Variants in NBPF3 observed in about 807,000 individuals in gnomAD.
The protein encoded by NBPF3 is NBPF member 3, also known as NBPF family member NBPF3.
Under a neutral mutation model 78.1 loss-of-function variants are expected in NBPF3, and 57 were observed. The ratio of observed to expected loss-of-function variants is 0.73; its 90% CI spans 0.59 to 0.91. The LOEUF (loss-of-function observed/expected upper bound fraction) is 0.91, where lower values mean the gene tolerates loss of function less well. Ranked by LOEUF, NBPF3 falls within the 40% of genes least tolerant of loss-of-function variation. The pLI, the probability that NBPF3 is intolerant of heterozygous loss-of-function variation, is 0.00. For synonymous variants in NBPF3, 182 were observed against 271.7 expected, an observed-to-expected ratio of 0.67 and a Z score of 3.25; for missense variants, 510 against 715.3, an observed-to-expected ratio of 0.71 and a Z score of 3.27.
intron 1 of NBPF3, chr1:21,440,869 A>C (rs920964601): frequency 6.6e-6 from 1 of 151,900 alleles, no homozygotes. Flanking sequence ...TCACTGAATC[A>C]CCTCCTGACT....
chr1:21,452,888 A>G (rs1641389566), intron 2 of NBPF3, among the ~76,000 whole-genome samples: 1 of 152,234 alleles, frequency 6.6e-6, no homozygotes, highest in Non-Finnish European at 1.5e-5. Context: ...AAGGCATGAA[A>G]TAAACTGGCC....
rs1415794092 is a variant in NBPF3, at chr1:21,460,321, C to T, written c.134-8367C>T. ...CATGTGCCATGTTGGTTTGCTGCACCCATTAACTCGTCATTTACATTCGGT... is the reference window on the plus strand; with the variant it reads ...CATGTGCCATGTTGGTTTGCTGCACTCATTAACTCGTCATTTACATTCGGT... On this transcript the variant is annotated intron_variant, in intron 2 of 14. Transcript: ENST00000318249. The surrounding 1 kb of genome is among the most constrained non-coding windows in gnomAD (Gnocchi z 4.2). Among the ~76,000 whole-genome samples the T allele has an allele frequency of 6.6e-6, 1 of 152,090 alleles. No homozygotes were observed. The highest frequency in any genetic ancestry group is 1.5e-5 in the Non-Finnish European group (1 of 68,030).
At position 21,478,226 on chromosome 1, in the gene NBPF3, A is replaced by C; in HGVS notation, c.1075A>C (p.Met359Leu). The C allele has an allele frequency of 6.2e-7, 1 of 1,614,178 alleles. No homozygotes were observed. ...TTGGACTCTCTCAATTCCTCCTGACATGTCTGCCTCATACCAGTCTGACAG... is the reference window on the plus strand; with the variant it reads ...TTGGACTCTCTCAATTCCTCCTGACCTGTCTGCCTCATACCAGTCTGACAG... ...GDWTLSIPPD[M>L]SASYQSDRST... is the part of the protein sequence containing the mutation. The change falls in exon 9 of 15, where the codon ATG becomes CTG. Residue 359 changes from methionine to leucine, a missense_variant. Around this residue, in one of 5 missense-constraint regions of NBPF3, gnomAD observed 440 missense variants for 478.2 expected, o/e 0.92. Transcript: ENST00000318249.
intron 2 of NBPF3, among the ~76,000 whole-genome samples, chr1:21,453,210 T>A (rs1814737): frequency 0.16 from 24,509 of 152,104 alleles, 2,426 homozygotes; most frequent in Non-Finnish European, 0.22. Context: ...TGATGGAGCC[T>A]GGAAGTGAGA....
At chr1:21,470,072 G>A (rs1489716281) in intron 3 of NBPF3, among the ~76,000 whole-genome samples, 1 of 152,144 alleles carries the variant, frequency 6.6e-6, no homozygotes, top group Non-Finnish European at 1.5e-5. Context: ...ACAAACCTTA[G>A]TATTCGGGCA....
intron 2 of NBPF3, among the ~76,000 whole-genome samples, chr1:21,448,650 C>T (rs567316311): frequency 1.2e-4 from 19 of 152,240 alleles, no homozygotes; most frequent in African/African-American, 4.1e-4. Context: ...GTGTGAGATT[C>T]CCCCTTAGTC....
chr1:21,473,475 AC>A lies in NBPF3; in HGVS notation c.832del (p.Gln278SerfsTer96). The A allele has an allele frequency of 1.2e-6, 2 of 1,614,226 alleles. No homozygotes were observed. ...CSNSHHPCES[N>X]QPYGNTRITF... is the part of the protein sequence containing the mutation. ...AATAGCCACCACCCTTGTGAGTCCA[AC>A]CAGCCTTACGGGAACACCAGAATCA... On this transcript the variant is annotated frameshift_variant, in exon 7 of 15. Transcript: ENST00000318249. LOFTEE classifies it high-confidence loss of function.
chr1:21,437,238 A>C (rs1442378707), upstream of NBPF3, among the ~76,000 whole-genome samples: 1 of 150,658 alleles, frequency 6.6e-6, no homozygotes, highest in East Asian at 2.0e-4. Context: ...TGCAAGGGGG[A>C]GGAGCCTGGG....
intron 2 of NBPF3, among the ~76,000 whole-genome samples, chr1:21,455,411 GAC>G (rs1198790247): frequency 5.9e-5 from 9 of 152,182 alleles, no homozygotes; most frequent in Non-Finnish European, 1.2e-4. Flanking sequence ...ATATTATAAA[GAC>G]ACAGTAATTA....
At chr1:21,457,603 G>A (rs1400158225) in intron 2 of NBPF3, among the ~76,000 whole-genome samples, 3 of 152,040 alleles carry the variant, frequency 2.0e-5, no homozygotes, top group Admixed American at 6.5e-5. Context: ...CCAAGAGGAT[G>A]GCTAAAATTA....
At chr1:21,477,992 T>G in intron 8 of NBPF3, 152 bp from the exon 9 acceptor site, 2 of 1,541,566 alleles carry the variant, frequency 1.3e-6, no homozygotes, top group African/African-American at 1.4e-5. Flanking sequence ...CAGCCTGCAT[T>G]TAGAAGGATA....
chr1:21,479,279 A>C, intron 9 of NBPF3, 70 bp from the exon 10 acceptor site: 2 of 1,494,208 alleles, frequency 1.3e-6, no homozygotes, highest in South Asian at 2.2e-5. Context: ...TTAGGATTGG[A>C]CAGAGGAATG....
chr1:21,471,480 A>G (rs1281659858), intron 4 of NBPF3, 89 bp from the exon 5 acceptor site: 18 of 1,595,324 alleles, frequency 1.1e-5, no homozygotes, highest in Non-Finnish European at 1.5e-5. Flanking sequence ...CTCCTTGAGG[A>G]CATTGTCTCA....
At chr1:21,477,254 G>A (rs1408860052) in intron 8 of NBPF3, among the ~76,000 whole-genome samples, 1 of 152,004 alleles carries the variant, frequency 6.6e-6, no homozygotes, top group African/African-American at 2.4e-5. Context: ...GTTTATTACC[G>A]ACTTCTGAAG....
chr1:21,445,485 G>C (rs1202487946), intron 2 of NBPF3, among the ~76,000 whole-genome samples: 1 of 152,092 alleles, frequency 6.6e-6, no homozygotes, highest in South Asian at 2.1e-4. Context: ...TTACTAGCTA[G>C]ATCTGCATCC....
chr1:21,450,679 T>A (rs1399532932), intron 2 of NBPF3, among the ~76,000 whole-genome samples: 2 of 152,188 alleles, frequency 1.3e-5, no homozygotes, highest in Non-Finnish European at 2.9e-5. Flanking sequence ...TAGTTCAACA[T>A]GAAAAATGTC....
rs544771149 is a variant in NBPF3, at chr1:21,480,390, G to A, written c.1381+167G>A. Among the ~76,000 whole-genome samples the A allele has an allele frequency of 1.2e-4, 13 of 112,478 alleles. 1 individual carries two copies. Among genetic ancestry groups the A allele is most frequent in the African/African-American group, 3.4e-4 (13 of 38,386 alleles). 73.8% of individuals were successfully genotyped at this position (112,478 alleles called of 152,430 possible). On this transcript the variant is annotated intron_variant, in intron 11 of 14. Transcript: ENST00000318249. ...AATTGTAGTTTCAGTTGGAAGCCCAGACATGAAATGGGTCAGTGAGCATGG... is the reference window on the plus strand; with the variant it reads ...AATTGTAGTTTCAGTTGGAAGCCCAAACATGAAATGGGTCAGTGAGCATGG...
intron 9 of NBPF3, among the ~76,000 whole-genome samples, chr1:21,479,069 T>C (rs1366125316): frequency 6.6e-6 from 1 of 152,260 alleles, no homozygotes; most frequent in Non-Finnish European, 1.5e-5. Flanking sequence ...GCCTCAAATC[T>C]ATTGGGAAAA....
intron 2 of NBPF3, among the ~76,000 whole-genome samples, chr1:21,457,580 TAGC>T (rs1035891159): frequency 6.6e-6 from 1 of 152,060 alleles, no homozygotes; most frequent in African/African-American, 2.4e-5. Context: ...TACAACTTGA[TAGC>T]AGTACATATC....
Sources: gnomAD v4.1 joint callset for allele counts (sites outside exome capture counted in the v4.1 genomes callset) on GRCh38, gnomAD v4.1.1 for gene constraint, gnomAD v4.1.1 regional missense constraint, Gnocchi (gnomAD v3.1) non-coding constraint, MANE v1.5 for transcripts, NCBI Gene and HGNC (gene_info 2026-07-23, HGNC 2026-07-21) for gene names.